The following FAT2 variants were observed in gnomAD, a reference collection of about 807,000 sequenced individuals.
FAT2 encodes FAT atypical cadherin 2.
A neutral mutation model predicts 295.3 loss-of-function variants in FAT2; 150 were observed. The ratio of observed to expected loss-of-function variants is 0.51; its 90% CI spans 0.44 to 0.58. The LOEUF (loss-of-function observed/expected upper bound fraction) is 0.58. Among genes scored for constraint, FAT2 ranks in the 20% least tolerant of loss-of-function variants. FAT2 has a pLI of 0.00. For synonymous variants in FAT2, 2,026 were observed against 2,150.3 expected (o/e 0.94, Z 1.60); for missense variants, 4,868 against 5,442.7 (o/e 0.89, Z 3.32).
At chr5:151,517,089 CAGAG>C (rs941723793) in intron 20 of FAT2, among the ~76,000 whole-genome samples, 1 of 140,924 alleles carries the variant, frequency 7.1e-6, no homozygotes, top group South Asian at 2.2e-4. Context: ...GCCTCGGTGA[CAGAG>C]AGAGACTCCA....
In FAT2 at chr5:151,549,430, G is replaced by T. The variant is rs776488814; in HGVS notation, c.4654C>A (p.Pro1552Thr). The T allele has an allele frequency of 2.5e-6, 4 of 1,613,960 alleles. No homozygotes were observed. The South Asian group carries it at 3.3e-5, about 13-fold the overall frequency. Residue 1552 changes from proline to threonine, a missense_variant, in exon 9 of 24, where the codon CCA becomes ACA. Coordinates refer to ENST00000261800, the MANE Select transcript of FAT2 (RefSeq NM_001447.3). ...TAATGGAGCTGAGTGAAGCGGGGTG[G>T]GTGGAGGTTTCCATCCTCCACATGA... ...TIHVEDGNLH[P>T]PRFTQLHYEA...
Position 151,544,462 on chromosome 5 carries a change from G to C in FAT2, c.6665C>G (p.Thr2222Ser). The C allele has an allele frequency of 6.2e-7, 1 of 1,614,158 alleles. No individual in the cohort carries two copies. Among genetic ancestry groups the C allele is most frequent in the Non-Finnish European group, 8.5e-7 (1 of 1,180,026 alleles). Residue 2222 changes from threonine (T) to serine (S), a missense_variant, in exon 10 of 24, where the codon ACT (threonine) becomes AGT (serine). This residue lies in a region of FAT2 where 3,297 missense variants were observed against 3,669.4 expected (regional missense o/e 0.90). Transcript: ENST00000261800. ...AGGCCCTGTTACTGTTAGGACACCA[G>C]TCTTGAAGTCAGTGGTGAACAGCAT... ...PLMLFTTDFK[T>S]GVLTVTGPLD...
chr5:151,507,611 C>T lies in FAT2; in HGVS notation c.12060G>A (p.Arg4020=). 1 of 1,514,982 alleles carries T rather than the reference C, an allele frequency of 6.6e-7. No homozygotes were observed. The highest frequency in any genetic ancestry group is 1.2e-5 in the South Asian group (1 of 86,062). The allele number at this position is 1,514,982 out of a possible 1,614,324, so 93.8% of individuals were successfully genotyped here. A position where few individuals can be genotyped will look rare whatever the true frequency, so the allele number is the denominator to read the frequency against. ...CNCPHPYTGD[R]CEMEARGCSE... is the part of the protein sequence containing the mutation. ...AACAACCCCTCGCCTCCATTTCACA[C>T]CTGCGGAGACAGAGTAGTCAGGGGG... Residue 4020 remains arginine, a splice_region_variant and synonymous_variant, in exon 23 of 24, where the codon AGG becomes AGA. Coordinates refer to ENST00000261800, the MANE Select transcript of FAT2 (RefSeq NM_001447.3).
chr5:151,577,209 G>A (rs2127657216), intron 1 of FAT2, among the ~76,000 whole-genome samples: 1 of 152,226 alleles, frequency 6.6e-6, no homozygotes, highest in Non-Finnish European at 1.5e-5. Context: ...AGAATGCTTA[G>A]AGCCCTCAAA....
rs2127611066 is a variant in FAT2, at chr5:151,545,003, C to T, written c.6124G>A (p.Val2042Met). 6.2e-7 allele frequency: 1 copy of T among 1,614,192 alleles called. No individual in the cohort carries two copies. The highest frequency in any genetic ancestry group is 8.5e-7 in the Non-Finnish European group (1 of 1,180,036). The change falls in exon 10 of 24, where the codon GTG becomes ATG. Residue 2042 changes from valine (V) to methionine (M), a missense_variant. Physicochemically the swap from Val to Met is conservative, Grantham distance 21. This residue lies in a region of FAT2 where 3,297 missense variants were observed against 3,669.4 expected (regional missense o/e 0.90). Transcript: ENST00000261800. ...CGCTGAGGTGTCCGATTGTCCCTCACTTCCACTGCCAACTCATGAGTGTCC... is the reference window on the plus strand; with the variant it reads ...CGCTGAGGTGTCCGATTGTCCCTCATTTCCACTGCCAACTCATGAGTGTCC... ...QQDTHELAVEVRDNRTPQRVA... is the reference protein window; with the variant it reads ...QQDTHELAVEMRDNRTPQRVA...
intron 14 of FAT2, among the ~76,000 whole-genome samples, chr5:151,530,867 T>C (rs1432645): frequency 0.8 from 122,416 of 152,124 alleles, 49,964 homozygotes; most frequent in East Asian, 0.96. Context: ...AACACAGGGC[T>C]CATTGTACTA....
chr5:151,513,166 T>C (rs371385158), intron 20 of FAT2, among the ~76,000 whole-genome samples: 23 of 152,208 alleles, frequency 1.5e-4, no homozygotes, highest in African/African-American at 5.1e-4. Flanking sequence ...GAAGTAAATA[T>C]GAGAAGCCAG....
chr5:151,560,131 A>T (rs59016671), intron 3 of FAT2, among the ~76,000 whole-genome samples: 4,907 of 152,190 alleles, frequency 0.032, 178 homozygotes, highest in African/African-American at 0.087. Flanking sequence ...AGTCACCACA[A>T]TCTAGGTCTT....
rs762800321 is a variant in FAT2, at chr5:151,568,746, G to A, written c.186C>T (p.Leu62=). ...VESFEKMGIY[L]AEPQWAVRYR... ...ACCTCACTGCCCACTGTGGCTCCGC[G>A]AGGTAGATGCCCATTTTCTCGAAGC... Residue 62 remains leucine, a synonymous_variant, in exon 2 of 24, where the codon CTC becomes CTT. Coordinates refer to ENST00000261800, the MANE Select transcript of FAT2 (RefSeq NM_001447.3). The A allele has an allele frequency of 8.7e-6, 14 of 1,614,114 alleles. No individual in the cohort carries two copies. In the East Asian group the frequency reaches 1.8e-4, roughly 21 times the overall value.
At chr5:151,580,266 AAG>A (rs1443094791) in intron 1 of FAT2, among the ~76,000 whole-genome samples, 5 of 152,302 alleles carry the variant, frequency 3.3e-5, no homozygotes, top group African/African-American at 1.2e-4. Context: ...TGCAGGGAGA[AAG>A]AACTGGTTTC....
rs1476210264 is a variant in FAT2, at chr5:151,544,767, G to T, written c.6360C>A (p.Pro2120=). 1 of 1,614,192 alleles carries T rather than the reference G, an allele frequency of 6.2e-7. No homozygotes were observed. Among genetic ancestry groups the T allele is most frequent in the South Asian group, 1.1e-5 (1 of 91,084 alleles). ...AEDYTYFRID[P]YLGDISLKKP... ...TCTTGAGTGATATGTCCCCAAGATA[G>T]GGGTCAATTCGGAAATATGTGTAAT... Residue 2120 remains proline, a synonymous_variant, in exon 10 of 24, where the codon CCC becomes CCA. Coordinates refer to ENST00000261800, the MANE Select transcript of FAT2 (RefSeq NM_001447.3).
At chr5:151,527,567 C>G (rs1754150480) in intron 16 of FAT2, among the ~76,000 whole-genome samples, 190 bp from the exon 17 acceptor site, 1 of 152,082 alleles carries the variant, frequency 6.6e-6, no homozygotes, top group Admixed American at 6.5e-5. Flanking sequence ...ATTCCCTACT[C>G]AATCATTTGC....
At position 151,567,407 on chromosome 5, in the gene FAT2, G is replaced by T. The variant is rs779680737; in HGVS notation, c.1525C>A (p.Pro509Thr). The change falls in exon 2 of 24, where the codon CCC becomes ACC. Residue 509 changes from proline (P) to threonine (T), a missense_variant. Pro to Thr is a conservative substitution (Grantham distance 38). Coordinates refer to ENST00000261800, the MANE Select transcript of FAT2 (RefSeq NM_001447.3). Reference protein sequence around the residue: ...GPKALPFSIDPYLGIISTSKP... With the variant: ...GPKALPFSIDTYLGIISTSKP... ...GAGGTGGAGATGATCCCCAGGTAGGGGTCAATAGAAAATGGCAAAGCTTTT... is the reference window on the plus strand; with the variant it reads ...GAGGTGGAGATGATCCCCAGGTAGGTGTCAATAGAAAATGGCAAAGCTTTT... 4.6e-5 allele frequency: 75 copies of T among 1,613,982 alleles called. No individual in the cohort carries two copies. Among genetic ancestry groups the T allele is most frequent in the Non-Finnish European group, 6.1e-5 (72 of 1,179,988 alleles).
chr5:151,578,713 C>T (rs192900889), intron 1 of FAT2, among the ~76,000 whole-genome samples: 219 of 152,250 alleles, frequency 1.4e-3, no homozygotes, highest in Non-Finnish European at 2.4e-3. Context: ...ATGGAATTAC[C>T]GTAAATGTCC....
At chr5:151,560,969 T>A (rs981439907) in intron 3 of FAT2, among the ~76,000 whole-genome samples, 1 of 152,204 alleles carries the variant, frequency 6.6e-6, no homozygotes, top group East Asian at 1.9e-4. Context: ...TCAGGGAACG[T>A]TGAAGTCTAG....
Position 151,505,665 on chromosome 5 carries a change from G to GC in FAT2, c.12949dup (p.Ala4317GlyfsTer16). The GC allele has an allele frequency of 6.2e-7, 1 of 1,614,018 alleles. No individual in the cohort carries two copies. The highest frequency in any genetic ancestry group is 8.5e-7 in the Non-Finnish European group (1 of 1,179,940). ...GGGCTGGCCCTGGCCTGCAAGAGGT[G>GC]CCCCCTCCACCTCACAGACAGCATA... On this transcript the variant is annotated frameshift_variant, in exon 24 of 24. Coordinates refer to ENST00000261800, the MANE Select transcript of FAT2 (RefSeq NM_001447.3). LOFTEE classifies it high-confidence loss of function.
rs1756601658 is a variant in FAT2, at chr5:151,546,094, G to C, written c.5033C>G (p.Pro1678Arg). Residue 1678 changes from proline (P) to arginine (R), a missense_variant, in exon 10 of 24, where the codon CCA becomes CGA. Pro to Arg is a moderately radical substitution (Grantham distance 103, BLOSUM62 -2). This residue lies in a region of FAT2 where 3,297 missense variants were observed against 3,669.4 expected (regional missense o/e 0.90). Coordinates refer to ENST00000261800, the MANE Select transcript of FAT2 (RefSeq NM_001447.3). ...GCTCATAGCAGAGACAAGGAGGATT[G>C]GGGAACCAACAGGGATTGATTCAGG... ...EIPESIPVGS[P>R]ILLVSAMSPS... is the part of the protein sequence containing the mutation. 6.2e-7 allele frequency: 1 copy of C among 1,613,956 alleles called. No homozygotes were observed. The highest frequency in any genetic ancestry group is 8.5e-7 in the Non-Finnish European group (1 of 1,180,014).
At chr5:151,582,716 G>C (rs1437258524) in intron 1 of FAT2, among the ~76,000 whole-genome samples, 1 of 152,196 alleles carries the variant, frequency 6.6e-6, no homozygotes, top group Non-Finnish European at 1.5e-5. Flanking sequence ...TCTTTAGAAA[G>C]TGTTCAGGCT....
At chr5:151,557,086 T>C (rs1437309942) in intron 3 of FAT2, among the ~76,000 whole-genome samples, 1 of 152,144 alleles carries the variant, frequency 6.6e-6, no homozygotes, top group African/African-American at 2.4e-5. Context: ...CCCGTCAGGA[T>C]GGTTGCCAGC....
Sources: allele counts gnomAD v4.1 joint callset (sites outside exome capture counted in the v4.1 genomes callset), GRCh38; gene constraint gnomAD v4.1.1; regional missense constraint gnomAD v4.1.1; transcripts MANE v1.5; gene names NCBI Gene and HGNC (gene_info 2026-07-23, HGNC 2026-07-21).